KCNAB1: variants seen among roughly 807,000 people sequenced by gnomAD.
KCNAB1 encodes the protein voltage-gated potassium channel subunit beta-1.
In KCNAB1, 35 loss-of-function variants were observed where a neutral mutation model predicts 64.6. That is an observed-to-expected ratio of 0.54 (90% CI 0.41 to 0.72). The LOEUF is 0.72. Ranked by LOEUF, KCNAB1 falls within the 30% of genes least tolerant of loss-of-function variation. The probability of loss-of-function intolerance (pLI) is 0.00; values close to 1 mark genes in which losing one functional copy is unlikely to be tolerated. For missense variants in KCNAB1, 401 were observed against 512.9 expected, an observed-to-expected ratio of 0.78 and a Z score of 2.11; for synonymous variants, 177 against 183.8, an observed-to-expected ratio of 0.96 and a Z score of 0.30.
intron 12 of KCNAB1, among the ~76,000 whole-genome samples, chr3:156,525,841 A>C (rs1028080222): frequency 6.6e-6 from 1 of 152,252 alleles, no homozygotes; most frequent in East Asian, 1.9e-4. Flanking sequence ...AAAAGTTTAT[A>C]AAGTAAAAAT....
At chr3:156,468,924 T>A (rs1713646437) in intron 7 of KCNAB1, among the ~76,000 whole-genome samples, 1 of 152,238 alleles carries the variant, frequency 6.6e-6, no homozygotes, top group African/African-American at 2.4e-5. Flanking sequence ...TGCTCCAGCA[T>A]TTGCCCTCAT....
intron 8 of KCNAB1, among the ~76,000 whole-genome samples, chr3:156,479,417 G>A (rs1334706900): frequency 6.6e-6 from 1 of 152,010 alleles, no homozygotes; most frequent in Non-Finnish European, 1.5e-5. Context: ...AGTTTTTTGG[G>A]TTTTTTTGTT....
intron 1 of KCNAB1, among the ~76,000 whole-genome samples, chr3:156,215,356 A>G (rs750201078): frequency 3.3e-5 from 5 of 152,242 alleles, no homozygotes; most frequent in Non-Finnish European, 2.9e-5. Context: ...TGTGTGCAGT[A>G]TAAGAGACGT....
At chr3:156,239,882 T>C (rs1312940947) in intron 1 of KCNAB1, among the ~76,000 whole-genome samples, 2 of 152,204 alleles carry the variant, frequency 1.3e-5, no homozygotes, top group Admixed American at 6.5e-5. Flanking sequence ...GAGTATTTGC[T>C]TAGAAAAGGG....
chr3:156,392,792 G>A (rs775308598), intron 1 of KCNAB1, among the ~76,000 whole-genome samples: 54 of 152,192 alleles, frequency 3.5e-4, no homozygotes, highest in African/African-American at 1.1e-3. Flanking sequence ...CCATCCTTAC[G>A]TTCCTGATGT....
chr3:156,505,725 G>T (rs1559920010), intron 8 of KCNAB1, among the ~76,000 whole-genome samples: 1 of 152,302 alleles, frequency 6.6e-6, no homozygotes, highest in East Asian at 1.9e-4. Flanking sequence ...TCATGGAGCT[G>T]CAGGTTGTAC....
intron 1 of KCNAB1, among the ~76,000 whole-genome samples, chr3:156,169,755 T>A (rs115132122): frequency 0.017 from 2,623 of 152,334 alleles, 47 homozygotes; most frequent in South Asian, 0.031. Flanking sequence ...TCTCTCCTGC[T>A]CTGCCATGAT....
Position 156,404,242 on chromosome 3 carries a change from A to G in KCNAB1, c.276-17374A>G, listed in dbSNP as rs112159208. Among the ~76,000 whole-genome samples, 761 of 152,160 alleles carry G rather than the reference A, an allele frequency of 5.0e-3. 7 individuals are homozygous for G. Among genetic ancestry groups the G allele is most frequent in the African/African-American group, 0.018 (727 of 41,494 alleles). ...ATAATAATTTTCTTTTTCACAAAAC[A>G]TTTGTCTCCACTTCTATTAAAAATA... On this transcript the variant is annotated intron_variant, in intron 1 of 13. Coordinates refer to ENST00000490337, the MANE Select transcript of KCNAB1 (RefSeq NM_172160.3).
chr3:156,321,612 T>A (rs1244564971), intron 1 of KCNAB1, among the ~76,000 whole-genome samples: 1 of 152,238 alleles, frequency 6.6e-6, no homozygotes, highest in African/African-American at 2.4e-5. Flanking sequence ...CAAAGATTTA[T>A]GTGGGTATTT....
intron 1 of KCNAB1, among the ~76,000 whole-genome samples, chr3:156,388,116 A>C (rs1712748826): frequency 1.3e-5 from 2 of 152,344 alleles, no homozygotes; most frequent in South Asian, 4.1e-4. Flanking sequence ...CATGAAGACC[A>C]AGGGAGGCAT....
rs140315440 is a variant in KCNAB1, at chr3:156,336,562, G to C, written c.276-85054G>C. ...AATTGTACATGTTCAGAATGGCATG[G>C]ATTAAGGACATTTGGGTGCTGATTT... On this transcript the variant is annotated intron_variant, in intron 1 of 13. Coordinates refer to ENST00000490337, the MANE Select transcript of KCNAB1 (RefSeq NM_172160.3). Among the ~76,000 whole-genome samples the C allele has an allele frequency of 2.0e-5, 3 of 152,294 alleles. No homozygotes were observed. The East Asian group carries it at 5.8e-4, about 29-fold the overall frequency.
At chr3:156,279,478 A>AAACAT (rs1486949462) in intron 1 of KCNAB1, among the ~76,000 whole-genome samples, 1 of 152,158 alleles carries the variant, frequency 6.6e-6, no homozygotes, top group East Asian at 1.9e-4. Flanking sequence ...TTGGGTATAT[A>AAACAT]CCCAGTAATG....
intron 1 of KCNAB1, among the ~76,000 whole-genome samples, chr3:156,244,454 A>G (rs1717341670): frequency 6.6e-6 from 1 of 152,142 alleles, no homozygotes; most frequent in Non-Finnish European, 1.5e-5. Flanking sequence ...CCTTTTTGCC[A>G]TGTAAAGCAA....
At chr3:156,329,224 G>A (rs936318164) in intron 1 of KCNAB1, among the ~76,000 whole-genome samples, 24 of 152,252 alleles carry the variant, frequency 1.6e-4, no homozygotes, top group Admixed American at 1.1e-3. Context: ...AATGCCTTGA[G>A]ATCAGACAGA....
intron 1 of KCNAB1, chr3:156,273,499 A>G (rs1305762960): frequency 4.5e-6 from 2 of 440,056 alleles, no homozygotes; most frequent in Non-Finnish European, 9.1e-6. Context: ...ACAGCACAGC[A>G]CTGGGTTCCA....
At chr3:156,159,278 T>A (rs925240358) in intron 1 of KCNAB1, among the ~76,000 whole-genome samples, 1 of 152,182 alleles carries the variant, frequency 6.6e-6, no homozygotes, top group African/African-American at 2.4e-5. Context: ...CTCTGACTTC[T>A]TAGGGGTAGG....
At chr3:156,176,731 T>C in intron 1 of KCNAB1, 1 of 937,928 alleles carries the variant, frequency 1.1e-6, no homozygotes, top group Non-Finnish European at 1.8e-6. Flanking sequence ...GAGAGCAGCA[T>C]GATTGGGGCT....
At chr3:156,477,353 A>G (rs959397893) in intron 8 of KCNAB1, among the ~76,000 whole-genome samples, 1 of 152,180 alleles carries the variant, frequency 6.6e-6, no homozygotes, top group Non-Finnish European at 1.5e-5. Flanking sequence ...CCAAGCTCAG[A>G]AGCATAATGA....
rs1290802245 is a variant in KCNAB1, at chr3:156,536,898, G to A, written c.*151G>A. 25 of 627,388 alleles carry A rather than the reference G, an allele frequency of 4.0e-5. No homozygotes were observed. Among genetic ancestry groups the A allele is most frequent in the East Asian group, 1.1e-4 (4 of 36,834 alleles). 38.9% of individuals were successfully genotyped at this position (627,388 alleles called of 1,614,324 possible). On this transcript the variant is annotated 3_prime_UTR_variant, in exon 14 of 14. Transcript: ENST00000490337. ...TGGATTCTTTGAGGTGTCTGCTGTC[G>A]CTACCACTGTGCACATCTGAAAACT...
Sources: allele counts gnomAD v4.1 joint callset (sites outside exome capture counted in the v4.1 genomes callset), GRCh38; gene constraint gnomAD v4.1.1; transcripts MANE v1.5; gene names NCBI Gene and HGNC (gene_info 2026-07-23, HGNC 2026-07-21).